PARD3B: variants seen among roughly 807,000 people sequenced by gnomAD.
PARD3B encodes the protein par-3 family cell polarity regulator beta, also known as partitioning defective 3 homolog B.
In PARD3B, 103 loss-of-function variants were observed where a neutral mutation model predicts 130.2. That is an observed-to-expected ratio of 0.79 (90% CI 0.67 to 0.93). The LOEUF (loss-of-function observed/expected upper bound fraction) is 0.93. Among genes scored for constraint, PARD3B ranks in the 40% least tolerant of loss-of-function variants. PARD3B has a pLI of 0.00. For missense variants in PARD3B, 1,609 were observed against 1,499.2 expected, an observed-to-expected ratio of 1.07 and a Z score of -1.21; for synonymous variants, 583 against 553.2, an observed-to-expected ratio of 1.05 and a Z score of -0.76.
At chr2:205,598,829 A>G (rs957089354) in intron 22 of PARD3B, among the ~76,000 whole-genome samples, 3 of 152,242 alleles carry the variant, frequency 2.0e-5, no homozygotes, top group African/African-American at 7.2e-5. Context: ...AAACCACACA[A>G]TTACATGGAA....
intron 8 of PARD3B, 45 bp from the exon 9 acceptor site, chr2:205,124,282 C>G: frequency 1.4e-6 from 2 of 1,403,004 alleles, no homozygotes; most frequent in Non-Finnish European, 1.9e-6. Flanking sequence ...TATAATATTA[C>G]TCATGCTTAA....
chr2:205,041,094 C>T (rs1456422209), intron 3 of PARD3B, among the ~76,000 whole-genome samples: 3 of 152,146 alleles, frequency 2.0e-5, no homozygotes, highest in Non-Finnish European at 4.4e-5. Context: ...CGTTATTTTG[C>T]ATGCGATGCC....
chr2:205,307,557 G>A (rs4673318), intron 18 of PARD3B, among the ~76,000 whole-genome samples: 91,047 of 151,958 alleles, frequency 0.6, 29,234 homozygotes, highest in South Asian at 0.75. Context: ...GCCCCTTTCA[G>A]CCAAAGGGTG....
At chr2:205,362,811 T>G (rs62171519) in intron 18 of PARD3B, among the ~76,000 whole-genome samples, 5,061 of 152,326 alleles carry the variant, frequency 0.033, 96 homozygotes, top group Middle Eastern at 0.058. Context: ...TACAGGGTGC[T>G]GAAATTAGAA....
rs1469494666 is a variant in PARD3B, at chr2:205,253,426, T to C, written c.2185+7604T>C. ...TTGGTCTTCTTGGCCTTGGCTGGGCTGGTGGATGGGAAGCCAGTATGGATC... is the reference window on the plus strand; with the variant it reads ...TTGGTCTTCTTGGCCTTGGCTGGGCCGGTGGATGGGAAGCCAGTATGGATC... On this transcript the variant is annotated intron_variant, in intron 16 of 22. Transcript: ENST00000406610. The surrounding 1 kb of genome is among the most constrained non-coding windows in gnomAD (Gnocchi z 4.4). 1 of 565,506 alleles carries C rather than the reference T, an allele frequency of 1.8e-6. No homozygotes were observed. The highest frequency in any genetic ancestry group is 3.6e-6 in the Non-Finnish European group (1 of 280,184). 35.0% of individuals were successfully genotyped at this position (565,506 alleles called of 1,614,324 possible). A position where few individuals can be genotyped will look rare whatever the true frequency, so the allele number is the denominator to read the frequency against.
chr2:205,278,867 C>A (rs915249047), intron 16 of PARD3B, among the ~76,000 whole-genome samples: 2 of 151,716 alleles, frequency 1.3e-5, no homozygotes, highest in African/African-American at 4.8e-5. Flanking sequence ...ATCAGGAGTT[C>A]GAGACCAGGT....
chr2:204,739,113 C>T (rs972786000), intron 2 of PARD3B, among the ~76,000 whole-genome samples: 1 of 152,140 alleles, frequency 6.6e-6, no homozygotes, highest in African/African-American at 2.4e-5. Context: ...TATGTTAGTT[C>T]TCTGTGCTTT....
chr2:204,708,165 G>A (rs1011658757), intron 2 of PARD3B, among the ~76,000 whole-genome samples: 2 of 151,994 alleles, frequency 1.3e-5, no homozygotes, highest in Non-Finnish European at 2.9e-5. Flanking sequence ...TTTTTTAATT[G>A]ATTTGTTTTG....
At chr2:204,781,026 T>G (rs1017527109) in intron 2 of PARD3B, among the ~76,000 whole-genome samples, 2 of 152,144 alleles carry the variant, frequency 1.3e-5, no homozygotes, top group African/African-American at 4.8e-5. Context: ...AGAGAACAGG[T>G]AAAGTCCCCT....
intron 1 of PARD3B, among the ~76,000 whole-genome samples, chr2:204,562,840 TTTC>T (rs1266444412): frequency 3.3e-5 from 5 of 152,128 alleles, no homozygotes; most frequent in African/African-American, 1.2e-4. Context: ...AATTTTTTTT[TTTC>T]GTTGCTGTAA....
chr2:205,037,919 A>G (rs1043568001), intron 3 of PARD3B, among the ~76,000 whole-genome samples: 1 of 152,162 alleles, frequency 6.6e-6, no homozygotes, highest in Non-Finnish European at 1.5e-5. Flanking sequence ...TAAGGGGCTC[A>G]TGCAAATGAG....
chr2:205,376,229 T>G lies in PARD3B; in HGVS notation c.2631-24784T>G, dbSNP rs1002561780. ...GAGAAACACGAGGCCACCAGATAGA[T>G]AATAAGAAACAGCTGGGGATCAAAG... On this transcript the variant is annotated intron_variant, in intron 18 of 22. Coordinates refer to ENST00000406610, the MANE Select transcript of PARD3B (RefSeq NM_001302769.2). 3.3e-5 allele frequency among the ~76,000 whole-genome samples: 5 copies of G among 152,212 alleles called. No individual in the cohort carries two copies. In the East Asian group the frequency reaches 9.7e-4, roughly 29 times the overall value.
At chr2:205,156,543 TA>T (rs10694645) in intron 10 of PARD3B, among the ~76,000 whole-genome samples, 11 of 147,702 alleles carry the variant, frequency 7.4e-5, no homozygotes, top group South Asian at 6.4e-4. Flanking sequence ...GAGGAAAAGA[TA>T]AAAAAAAAAA....
At chr2:204,870,590 T>C (rs910047465) in intron 2 of PARD3B, among the ~76,000 whole-genome samples, 3 of 152,148 alleles carry the variant, frequency 2.0e-5, no homozygotes, top group Admixed American at 2.0e-4. Context: ...GGTCATCTGA[T>C]CACTTTGCTA....
At chr2:204,740,990 A>C (rs1301800363) in intron 2 of PARD3B, among the ~76,000 whole-genome samples, 1 of 152,174 alleles carries the variant, frequency 6.6e-6, no homozygotes, top group African/African-American at 2.4e-5. Context: ...TCTTAGATGG[A>C]TGGAAAAATA....
chr2:205,088,494 C>T (rs1701879984), intron 4 of PARD3B, among the ~76,000 whole-genome samples: 1 of 151,846 alleles, frequency 6.6e-6, no homozygotes, highest in Admixed American at 6.6e-5. Flanking sequence ...GGAAAGAAAA[C>T]CAAGCAGTTT....
At chr2:205,538,491 ACATG>A (rs1417380619) in intron 21 of PARD3B, among the ~76,000 whole-genome samples, 1 of 151,996 alleles carries the variant, frequency 6.6e-6, no homozygotes, top group Non-Finnish European at 1.5e-5. Context: ...ACACACACAC[ACATG>A]CATATCATCC....
intron 4 of PARD3B, among the ~76,000 whole-genome samples, chr2:205,092,671 G>T (rs777567298): frequency 1.3e-5 from 2 of 152,118 alleles, no homozygotes; most frequent in Non-Finnish European, 2.9e-5. Flanking sequence ...CGAGCAAGAG[G>T]TTCAAAACAG....
intron 2 of PARD3B, among the ~76,000 whole-genome samples, chr2:204,854,611 A>C (rs564749347): frequency 6.6e-6 from 1 of 152,320 alleles, no homozygotes; most frequent in African/African-American, 2.4e-5. Context: ...TACTGAACAC[A>C]CCATGCTGAG....
Sources: allele counts gnomAD v4.1 joint callset (sites outside exome capture counted in the v4.1 genomes callset), GRCh38; gene constraint gnomAD v4.1.1; non-coding constraint Gnocchi (gnomAD v3.1); transcripts MANE v1.5; gene names NCBI Gene and HGNC (gene_info 2026-07-23, HGNC 2026-07-21).